The following IL17RA variants were observed in gnomAD, a reference collection of about 807,000 sequenced individuals.
The protein encoded by IL17RA is interleukin-17 receptor A.
In IL17RA, 34 loss-of-function variants were observed where a neutral mutation model predicts 50.4. The observed-to-expected ratio is 0.67, with a 90% CI of 0.51 to 0.90. The LOEUF (loss-of-function observed/expected upper bound fraction) is 0.90, where lower values mean the gene tolerates loss of function less well. Ranked by LOEUF, IL17RA falls within the 40% of genes least tolerant of loss-of-function variation. The probability of loss-of-function intolerance (pLI) is 0.00; values close to 1 mark genes in which losing one functional copy is unlikely to be tolerated. For synonymous variants in IL17RA, 585 were observed against 510.4 expected (o/e 1.15, Z -1.97); for missense variants, 1,276 against 1,169.8 (o/e 1.09, Z -1.32).
intron 3 of IL17RA, among the ~76,000 whole-genome samples, chr22:17,098,159 A>G (rs1222086766): frequency 1.3e-5 from 2 of 152,238 alleles, no homozygotes; most frequent in African/African-American, 4.8e-5. Flanking sequence ...TCTTCATGAA[A>G]GGACTTCCTT....
At chr22:17,088,777 C>G (rs566535177) in intron 1 of IL17RA, among the ~76,000 whole-genome samples, 13 of 149,286 alleles carry the variant, frequency 8.7e-5, no homozygotes, top group Middle Eastern at 3.8e-3. Flanking sequence ...TGTGAGCCAC[C>G]GCACCTGGCC....
At position 17,100,479 on chromosome 22, in the gene IL17RA, C is replaced by T; in HGVS notation, c.548C>T (p.Pro183Leu). ...PNHQSKNFLV[P>L]DCEHARMKVT... ...CACCAGTCCAAGAATTTCCTTGTGCCTGGTAAGAGCATCCTCCCAAGACAT... is the reference window on the plus strand; with the variant it reads ...CACCAGTCCAAGAATTTCCTTGTGCTTGGTAAGAGCATCCTCCCAAGACAT... Residue 183 changes from proline to leucine, a missense_variant and splice_region_variant, in exon 5 of 13, where the codon CCT (proline) becomes CTT (leucine). By Grantham distance (98) the Pro-to-Leu change is moderately conservative. Coordinates refer to ENST00000319363, the MANE Select transcript of IL17RA (RefSeq NM_014339.7). 1.2e-6 allele frequency: 2 copies of T among 1,614,066 alleles called. No homozygotes were observed. The highest frequency in any genetic ancestry group is 1.7e-6 in the Non-Finnish European group (2 of 1,180,032).
rs2061399292 is a variant in IL17RA, at chr22:17,103,537, C to T, written c.806C>T (p.Thr269Ile). The change falls in exon 8 of 13, where the codon ACT (threonine) becomes ATT (isoleucine). Residue 269 changes from threonine to isoleucine, a missense_variant. Coordinates refer to ENST00000319363, the MANE Select transcript of IL17RA (RefSeq NM_014339.7). Reference protein sequence around the residue: ...EFHQRSNVTLTLRNLKGCCRH... With the variant: ...EFHQRSNVTLILRNLKGCCRH... ...CACCAGCGATCCAACGTCACACTCA[C>T]TCTACGCAACCTTAAAGGGTGCTGT... 6.2e-7 allele frequency: 1 copy of T among 1,613,800 alleles called. No homozygotes were observed. Among genetic ancestry groups the T allele is most frequent in the Non-Finnish European group, 8.5e-7 (1 of 1,179,908 alleles).
intron 1 of IL17RA, among the ~76,000 whole-genome samples, chr22:17,096,058 G>T (rs2061367207): frequency 6.6e-6 from 1 of 152,102 alleles, no homozygotes; most frequent in African/African-American, 2.4e-5. Flanking sequence ...TGTGTTTCTG[G>T]TCTGCCTCAG....
Position 17,103,508 on chromosome 22 carries a change from G to C in IL17RA, c.777G>C (p.Glu259Asp), listed in dbSNP as rs1459797725. ...MHHIPAPRPE[E>D]FHQRSNVTLT... ...TCTCTCCTCAGCCCAGACCAGAAGA[G>C]TTCCACCAGCGATCCAACGTCACAC... The change falls in exon 8 of 13, where the codon GAG (glutamate) becomes GAC (aspartate). Residue 259 changes from glutamate (E) to aspartate (D), a missense_variant. Physicochemically the swap from Glu to Asp is conservative, Grantham distance 45. Transcript: ENST00000319363. 1 of 1,613,552 alleles carries C rather than the reference G, an allele frequency of 6.2e-7. No individual in the cohort carries two copies. The highest frequency in any genetic ancestry group is 1.3e-5 in the African/African-American group (1 of 74,726).
At position 17,114,666 on chromosome 22, in the gene IL17RA, C is replaced by T. The variant is rs2061459639; in HGVS notation, c.*4846C>T. On this transcript the variant is annotated 3_prime_UTR_variant, in exon 13 of 13. Coordinates refer to ENST00000319363, the MANE Select transcript of IL17RA (RefSeq NM_014339.7). ...CCCTGCACGGGTGTCCCACTGGCCG[C>T]CTCTGCTCACCAGTGTCATGGGATT... is the stretch of plus-strand genomic sequence containing the variant. 6.6e-6 allele frequency: 1 copy of T among 152,236 alleles called. No homozygotes were observed. Among genetic ancestry groups the T allele is most frequent in the African/African-American group, 2.4e-5 (1 of 41,432 alleles). The allele number at this position is 152,236 out of a possible 1,614,324, so 9.4% of individuals were successfully genotyped here. A position where few individuals can be genotyped will look rare whatever the true frequency, so the allele number is the denominator to read the frequency against.
intron 10 of IL17RA, 75 bp downstream of exon 10, chr22:17,105,677 G>A (rs2061411072): frequency 6.5e-7 from 1 of 1,542,590 alleles, no homozygotes; most frequent in Non-Finnish European, 8.9e-7. Flanking sequence ...AGAAGTCCCT[G>A]CCTCAGCCAG....
At chr22:17,101,321 G>A (rs1231306217) in intron 5 of IL17RA, among the ~76,000 whole-genome samples, 1 of 152,198 alleles carries the variant, frequency 6.6e-6, no homozygotes, top group Non-Finnish European at 1.5e-5. Flanking sequence ...TGTTAAGGAT[G>A]GTGTTGACCT....
chr22:17,108,356 G>A lies in IL17RA; in HGVS notation c.1137G>A (p.Lys379=), dbSNP rs879576. ...DLIPPPLKPR[K]VWIIYSADHP... ...TCCCCCCACCGCTGAAGCCCAGGAA[G>A]GTCTGGATCATCTACTCAGCCGACC... The change falls in exon 13 of 13, where the codon AAG becomes AAA. Residue 379 remains lysine, a synonymous_variant. Coordinates refer to ENST00000319363, the MANE Select transcript of IL17RA (RefSeq NM_014339.7). 191,816 of 1,613,960 alleles carry A rather than the reference G, an allele frequency of 0.12. 12,799 individuals carry two copies. The highest frequency in any genetic ancestry group is 0.23 in the Middle Eastern group (1,399 of 6,056).
rs552181969 is a variant in IL17RA at position 17,089,361 on chromosome 22, A to G, written c.138+4132A>G. Among the ~76,000 whole-genome samples, 3 of 152,306 alleles carry G rather than the reference A, an allele frequency of 2.0e-5. No individual in the cohort carries two copies. The East Asian group carries it at 5.8e-4, about 29-fold the overall frequency. Reference sequence around the variant, plus strand: ...CCTGGGTCTTAGTTTTTTCATCAGTACAATTGGGATAAGGGTGCTTAGCTC... The same window carrying G: ...CCTGGGTCTTAGTTTTTTCATCAGTGCAATTGGGATAAGGGTGCTTAGCTC... On this transcript the variant is annotated intron_variant, in intron 1 of 12. Coordinates refer to ENST00000319363, the MANE Select transcript of IL17RA (RefSeq NM_014339.7).
intron 1 of IL17RA, among the ~76,000 whole-genome samples, chr22:17,094,455 T>C (rs1437359155): frequency 6.6e-6 from 1 of 151,662 alleles, no homozygotes; most frequent in African/African-American, 2.4e-5. Context: ...GGAGAAAATA[T>C]GTGTATATGG....
chr22:17,085,277 G>C (rs1455121287), intron 1 of IL17RA, 48 bp downstream of exon 1: 1 of 1,532,808 alleles, frequency 6.5e-7, no homozygotes, highest in South Asian at 1.2e-5. Context: ...CTGCGGACGC[G>C]GGGCAAGGTC....
intron 11 of IL17RA, among the ~76,000 whole-genome samples, chr22:17,106,615 C>T (rs918010860): frequency 3.3e-5 from 5 of 152,202 alleles, no homozygotes; most frequent in Admixed American, 6.5e-5. Context: ...ACAGGCCTTC[C>T]GGTTGGGGCT....
intron 1 of IL17RA, among the ~76,000 whole-genome samples, chr22:17,085,642 C>A (rs1419745865): frequency 6.6e-6 from 1 of 152,156 alleles, no homozygotes; most frequent in African/African-American, 2.4e-5. Flanking sequence ...GGTCTGGACC[C>A]AGCTCCACGC....
rs34484815 is a variant in IL17RA at position 17,105,705 on chromosome 22, G to C, written c.943+103G>C. ...TCAGCCAGGCAGACAAGGCTGAACC[G>C]AGGCCAGCCCGGGGTGGGGGGTGAG... On this transcript the variant is annotated intron_variant, in intron 10 of 12. Transcript: ENST00000319363. 13 of 1,445,952 alleles carry C rather than the reference G, an allele frequency of 9.0e-6. No homozygotes were observed. In the Admixed American group the frequency reaches 1.8e-4, roughly 20 times the overall value. The allele number at this position is 1,445,952 out of a possible 1,614,324, so 89.6% of individuals were successfully genotyped here.
At chr22:17,096,955 G>A in intron 1 of IL17RA, 107 bp from the exon 2 acceptor site, 4 of 967,362 alleles carry the variant, frequency 4.1e-6, no homozygotes, top group Non-Finnish European at 6.8e-6. Flanking sequence ...AGAAGGGCAG[G>A]CTGTGTAGAT....
rs1188447149 is a variant in IL17RA, at chr22:17,111,518, G to C, written c.*1698G>C. ...CATTTGAAAAGAGGCTCTGAAGCCAGTGTTTGAAGAATTTGTTCCTGAAGT... is the reference window on the plus strand; with the variant it reads ...CATTTGAAAAGAGGCTCTGAAGCCACTGTTTGAAGAATTTGTTCCTGAAGT... On this transcript the variant is annotated 3_prime_UTR_variant, in exon 13 of 13. Transcript: ENST00000319363. 2 of 152,232 alleles carry C rather than the reference G, an allele frequency of 1.3e-5. No individual in the cohort carries two copies. Among genetic ancestry groups the C allele is most frequent in the African/African-American group, 4.8e-5 (2 of 41,450 alleles). The allele number at this position is 152,232 out of a possible 1,614,324, so 9.4% of individuals were successfully genotyped here.
chr22:17,109,258 C>G lies in IL17RA; in HGVS notation c.2039C>G (p.Ala680Gly). 6.7e-7 allele frequency: 1 copy of G among 1,496,878 alleles called. No individual in the cohort carries two copies. The highest frequency in any genetic ancestry group is 8.9e-7 in the Non-Finnish European group (1 of 1,129,022). 92.7% of individuals were successfully genotyped at this position (1,496,878 alleles called of 1,614,324 possible). Reference sequence around the variant, plus strand: ...GCAGAGGAGGGGGCCCTGGTGGCCGCGGTGGAGCCTGGGCCCCTGGCTGAC... The same window carrying G: ...GCAGAGGAGGGGGCCCTGGTGGCCGGGGTGGAGCCTGGGCCCCTGGCTGAC... ...LAAEEGALVA[A>G]VEPGPLADGA... Residue 680 changes from alanine (A) to glycine (G), a missense_variant, in exon 13 of 13, where the codon GCG (alanine) becomes GGG (glycine). Coordinates refer to ENST00000319363, the MANE Select transcript of IL17RA (RefSeq NM_014339.7).
At chr22:17,105,470 T>C in intron 9 of IL17RA, 121 bp from the exon 10 acceptor site, 1 of 957,182 alleles carries the variant, frequency 1.0e-6, no homozygotes, top group Non-Finnish European at 1.7e-6. Flanking sequence ...AACCTGGATC[T>C]AGAGTGCCTG....
Sources: allele counts gnomAD v4.1 joint callset (sites outside exome capture counted in the v4.1 genomes callset), GRCh38; gene constraint gnomAD v4.1.1; transcripts MANE v1.5; gene names NCBI Gene and HGNC (gene_info 2026-07-23, HGNC 2026-07-21).